Variants in LSAMP observed in about 807,000 individuals in gnomAD.
LSAMP encodes limbic system-associated membrane protein.
LSAMP carries 7 observed loss-of-function variants against 38.6 expected under a neutral mutation model. That is an observed-to-expected ratio of 0.18 (90% CI 0.10 to 0.34). The LOEUF (loss-of-function observed/expected upper bound fraction) is 0.34, where lower values mean the gene tolerates loss of function less well. LSAMP is among the 10% of genes least tolerant of loss of function. The pLI is 1.00. For synonymous variants in LSAMP, 154 were observed against 166.8 expected, an observed-to-expected ratio of 0.92 and a Z score of 0.59; for missense variants, 313 against 420.0, an observed-to-expected ratio of 0.75 and a Z score of 2.23.
At chr3:116,244,450 T>G (rs183633014) in intron 1 of LSAMP, among the ~76,000 whole-genome samples, 138 of 152,282 alleles carry the variant, frequency 9.1e-4, no homozygotes, top group Non-Finnish European at 1.7e-3. Context: ...TATCTTCCCT[T>G]CCAAACATTT....
chr3:116,169,901 T>G (rs1157286123), intron 1 of LSAMP, among the ~76,000 whole-genome samples: 1 of 152,146 alleles, frequency 6.6e-6, no homozygotes, highest in Admixed American at 6.5e-5. Flanking sequence ...CAAGTGGGCA[T>G]GAGTGTGAGA....
chr3:116,351,370 A>G lies in LSAMP; in HGVS notation c.155+93507T>C, dbSNP rs145084528. On this transcript the variant is annotated intron_variant, in intron 1 of 6. Transcript: ENST00000490035. ...AAGGGAGAAGATACAGAATGAGGAC[A>G]CCTCAGCAGCATTAGTCTCTGAGTA... 1.6e-3 allele frequency among the ~76,000 whole-genome samples: 236 copies of G among 152,218 alleles called. 3 individuals are homozygous for G. The highest frequency in any genetic ancestry group is 5.3e-3 in the African/African-American group (222 of 41,560).
At chr3:115,841,038 G>A (rs989777416) in intron 6 of LSAMP, among the ~76,000 whole-genome samples, 5 of 152,106 alleles carry the variant, frequency 3.3e-5, no homozygotes, top group East Asian at 1.9e-4. Flanking sequence ...AGAGGGCATC[G>A]GCATCTGCTT....
At chr3:115,901,084 A>G (rs1936862051) in intron 3 of LSAMP, among the ~76,000 whole-genome samples, 3 of 152,032 alleles carry the variant, frequency 2.0e-5, no homozygotes, top group African/African-American at 7.2e-5. Context: ...TGAGTAAGAG[A>G]AGGTAAAGCA....
chr3:116,065,762 G>A (rs184862190), intron 2 of LSAMP, among the ~76,000 whole-genome samples: 179 of 152,250 alleles, frequency 1.2e-3, no homozygotes, highest in Middle Eastern at 6.8e-3. Flanking sequence ...TTCCTCCTCT[G>A]TCTAAGGAAG....
At chr3:115,903,411 G>A (rs530872567) in intron 3 of LSAMP, among the ~76,000 whole-genome samples, 2 of 152,210 alleles carry the variant, frequency 1.3e-5, no homozygotes, top group African/African-American at 4.8e-5. Context: ...GCTGAGTGAT[G>A]AAGTAATCTG....
At chr3:115,966,500 T>A (rs1938819203) in intron 3 of LSAMP, among the ~76,000 whole-genome samples, 2 of 152,334 alleles carry the variant, frequency 1.3e-5, no homozygotes, top group South Asian at 4.1e-4. Flanking sequence ...GTGTGCAAAT[T>A]CTGTAGTCCC....
At chr3:115,932,423 G>A (rs1159217017) in intron 3 of LSAMP, among the ~76,000 whole-genome samples, 2 of 152,178 alleles carry the variant, frequency 1.3e-5, no homozygotes, top group African/African-American at 2.4e-5. Context: ...AAATAAAAAC[G>A]TTTTCTGGTG....
At chr3:116,220,978 C>A (rs992959557) in intron 1 of LSAMP, among the ~76,000 whole-genome samples, 6 of 151,806 alleles carry the variant, frequency 4.0e-5, no homozygotes, top group African/African-American at 1.5e-4. Flanking sequence ...CACGGTGAAA[C>A]CCCATCTCTA....
chr3:115,964,752 C>G (rs1938743381), intron 3 of LSAMP, among the ~76,000 whole-genome samples: 1 of 151,944 alleles, frequency 6.6e-6, no homozygotes, highest in Non-Finnish European at 1.5e-5. Context: ...AAAAACTTAG[C>G]TTGAATGGGG....
Position 115,841,608 on chromosome 3 carries a change from G to A in LSAMP, c.919+237C>T, listed in dbSNP as rs140876839. 220 of 381,100 alleles carry A rather than the reference G, an allele frequency of 5.8e-4. 1 individual carries two copies. In the East Asian group the frequency reaches 8.4e-3, roughly 14 times the overall value. The allele number at this position is 381,100 out of a possible 1,614,324, so 23.6% of individuals were successfully genotyped here. A position where few individuals can be genotyped will look rare whatever the true frequency, so the allele number is the denominator to read the frequency against. On this transcript the variant is annotated intron_variant, in intron 6 of 6. Coordinates refer to ENST00000490035, the MANE Select transcript of LSAMP (RefSeq NM_002338.5). ...CCAGGAAAAAACAAAAAACAAAAAC[G>A]AAGAAAAACAAACAACAAGGCAGTT...
chr3:116,122,289 AAC>A (rs888264053), intron 1 of LSAMP, among the ~76,000 whole-genome samples: 1 of 152,218 alleles, frequency 6.6e-6, no homozygotes, highest in East Asian at 1.9e-4. Flanking sequence ...TGCACATGGA[AAC>A]ACACACACAA....
chr3:115,838,249 A>G (rs1193165142), intron 6 of LSAMP: 1 of 152,230 alleles, frequency 6.6e-6, no homozygotes, highest in African/African-American at 2.4e-5. Context: ...CTCACTTAAT[A>G]AGAAGTGACA....
chr3:116,350,162 CAGA>C (rs971749013), intron 1 of LSAMP, among the ~76,000 whole-genome samples: 6 of 151,970 alleles, frequency 3.9e-5, no homozygotes, highest in African/African-American at 1.4e-4. Flanking sequence ...GCCCACGAAT[CAGA>C]AGAATTAATT....
chr3:116,099,603 C>G (rs775037029), intron 1 of LSAMP, among the ~76,000 whole-genome samples: 1 of 152,152 alleles, frequency 6.6e-6, no homozygotes, highest in Non-Finnish European at 1.5e-5. Context: ...CTGGCTCTAT[C>G]ATGGCCACTC....
intron 1 of LSAMP, among the ~76,000 whole-genome samples, chr3:116,313,649 C>G (rs1170284523): frequency 1.3e-5 from 2 of 152,178 alleles, no homozygotes; most frequent in Non-Finnish European, 2.9e-5. Context: ...GAAAAACTAG[C>G]ATTTATTGAA....
intron 6 of LSAMP, among the ~76,000 whole-genome samples, chr3:115,810,729 C>T (rs1933798985): frequency 6.6e-6 from 1 of 152,204 alleles, no homozygotes; most frequent in Admixed American, 6.5e-5. Flanking sequence ...CAGCCTCCTC[C>T]TGTTGGCCCT....
chr3:116,307,786 A>T (rs959712394), intron 1 of LSAMP, among the ~76,000 whole-genome samples: 89 of 151,966 alleles, frequency 5.9e-4, no homozygotes, highest in Non-Finnish European at 8.8e-5. Context: ...AAAGAAAAAA[A>T]TTTTCACATT....
intron 1 of LSAMP, among the ~76,000 whole-genome samples, chr3:116,138,934 A>T (rs1709312809): frequency 6.6e-6 from 1 of 151,784 alleles, no homozygotes; most frequent in South Asian, 2.1e-4. Flanking sequence ...AATCCACCAG[A>T]GACTATGGTG....
Sources: allele counts gnomAD v4.1 joint callset (sites outside exome capture counted in the v4.1 genomes callset), GRCh38; gene constraint gnomAD v4.1.1; transcripts MANE v1.5; gene names NCBI Gene and HGNC (gene_info 2026-07-23, HGNC 2026-07-21).